The following TRIM36 variants were observed in gnomAD, a reference collection of about 807,000 sequenced individuals.
TRIM36 encodes the protein E3 ubiquitin-protein ligase TRIM36.
In TRIM36, 42 loss-of-function variants were observed where a neutral mutation model predicts 72.4. That is an observed-to-expected ratio of 0.58 (90% CI 0.45 to 0.75). The LOEUF is 0.75. Ranked by LOEUF, TRIM36 falls within the 30% of genes least tolerant of loss-of-function variation. The probability of loss-of-function intolerance (pLI) is 0.00; values close to 1 mark genes in which losing one functional copy is unlikely to be tolerated. For missense variants in TRIM36, 913 were observed against 857.1 expected, an observed-to-expected ratio of 1.07 and a Z score of -0.81; for synonymous variants, 315 against 282.8, an observed-to-expected ratio of 1.11 and a Z score of -1.14.
At position 115,163,611 on chromosome 5, in the gene TRIM36, T is replaced by C. The variant is rs111422931; in HGVS notation, c.169A>G (p.Asn57Asp). 6.2e-7 allele frequency: 1 copy of C among 1,614,188 alleles called. No homozygotes were observed. Among genetic ancestry groups the C allele is most frequent in the Non-Finnish European group, 8.5e-7 (1 of 1,180,026 alleles). The change falls in exon 2 of 10, where the codon AAC (asparagine) becomes GAC (aspartate). Residue 57 changes from asparagine (N) to aspartate (D), a missense_variant. Transcript: ENST00000513154. ...TTGGAGTTGTCTGATCCCACATCGT[T>C]GAATGAATCATCGAGAGTCAGCAGG... is the stretch of plus-strand genomic sequence containing the variant. Reference protein sequence around the residue: ...ELLLTLDDSFNDVGSDNSNQS... With the variant: ...ELLLTLDDSFDDVGSDNSNQS...
chr5:115,177,871 G>GCCTA, intron 1 of TRIM36: 4 of 1,614,012 alleles, frequency 2.5e-6, no homozygotes, highest in Non-Finnish European at 3.4e-6. Flanking sequence ...CATTGCTGAA[G>GCCTA]CCTAGTGAAG....
At position 115,126,421 on chromosome 5, in the gene TRIM36, G is replaced by A. The variant is rs550553267; in HGVS notation, c.*82C>T. On this transcript the variant is annotated 3_prime_UTR_variant, in exon 10 of 10. Transcript: ENST00000513154. ...CAAGTGGGGTGACAGAACACTCAGCGATATGTAATTAGTTACGAAGGTTAA... is the reference window on the plus strand; with the variant it reads ...CAAGTGGGGTGACAGAACACTCAGCAATATGTAATTAGTTACGAAGGTTAA... 2.3e-4 allele frequency: 250 copies of A among 1,088,928 alleles called. 2 individuals carry two copies. The South Asian group carries it at 3.5e-3, about 15-fold the overall frequency. 67.5% of individuals were successfully genotyped at this position (1,088,928 alleles called of 1,614,324 possible). A position where few individuals can be genotyped will look rare whatever the true frequency, so the allele number is the denominator to read the frequency against.
upstream of TRIM36, chr5:115,174,147 A>G (rs1364709523): frequency 6.6e-6 from 1 of 152,220 alleles, no homozygotes; most frequent in Non-Finnish European, 1.5e-5. Context: ...TTGATTCCTA[A>G]TACCCAACAA....
chr5:115,162,887 T>C (rs1003817768), intron 2 of TRIM36, among the ~76,000 whole-genome samples: 11 of 152,306 alleles, frequency 7.2e-5, no homozygotes, highest in African/African-American at 2.6e-4. Flanking sequence ...TCCTAGTTAG[T>C]ATTTCAGTAG....
intron 2 of TRIM36, chr5:115,149,086 T>C (rs1340080117): frequency 1.3e-5 from 2 of 152,216 alleles, no homozygotes; most frequent in Admixed American, 6.5e-5. Flanking sequence ...CATTTAAAGA[T>C]ATTTTAACGT....
intron 5 of TRIM36, among the ~76,000 whole-genome samples, chr5:115,138,670 A>C (rs1180759659): frequency 6.6e-6 from 1 of 152,166 alleles, no homozygotes; most frequent in African/African-American, 2.4e-5. Flanking sequence ...CATTCATACA[A>C]ACTGTCATAA....
At chr5:115,166,944 G>A (rs988603967) in intron 1 of TRIM36, among the ~76,000 whole-genome samples, 2 of 152,216 alleles carry the variant, frequency 1.3e-5, no homozygotes, top group Admixed American at 6.5e-5. Flanking sequence ...ATGCCTGGCT[G>A]TGCACACTGT....
chr5:115,179,888 G>T, intron 1 of TRIM36: 2 of 1,345,352 alleles, frequency 1.5e-6, no homozygotes, highest in Non-Finnish European at 2.1e-6. Context: ...CCCAGGCGCT[G>T]GAATGGACAC....
chr5:115,163,668 G>C lies in TRIM36; in HGVS notation c.112C>G (p.His38Asp). The C allele has an allele frequency of 6.2e-7, 1 of 1,614,162 alleles. No individual in the cohort carries two copies. The highest frequency in any genetic ancestry group is 8.5e-7 in the Non-Finnish European group (1 of 1,180,048). ...FTHPLILPCQ[H>D]SICHKCVKEL... ...TTTACACATTTATGACAGATACTAT[G>C]TTGGCAAGGGAGAATCAATGGGTGG... Residue 38 changes from histidine (H) to aspartate (D), a missense_variant, in exon 2 of 10, where the codon CAT (histidine) becomes GAT (aspartate). Physicochemically the swap from His to Asp is moderately conservative, Grantham distance 81. Transcript: ENST00000513154.
intron 8 of TRIM36, 63 bp from the exon 9 acceptor site, chr5:115,130,952 G>C: frequency 1.3e-6 from 2 of 1,507,066 alleles, no homozygotes; most frequent in African/African-American, 1.4e-5. Flanking sequence ...TGTTAAATCT[G>C]ATAGGTTTTC....
Position 115,126,447 on chromosome 5 carries a change from C to G in TRIM36, c.*56G>C. ...ATATGTAATTAGTTACGAAGGTTAA[C>G]GCTAAGGCATTGCTTTGTTTACAGT... On this transcript the variant is annotated 3_prime_UTR_variant, in exon 10 of 10. Transcript: ENST00000513154. 1 of 1,414,262 alleles carries G rather than the reference C, an allele frequency of 7.1e-7. No individual in the cohort carries two copies. The highest frequency in any genetic ancestry group is 9.7e-7 in the Non-Finnish European group (1 of 1,028,688). 87.6% of individuals were successfully genotyped at this position (1,414,262 alleles called of 1,614,324 possible).
rs1323174389 is a variant in TRIM36, at chr5:115,133,840, A to T, written c.1498+20T>A. 5 of 1,545,448 alleles carry T rather than the reference A, an allele frequency of 3.2e-6. No individual in the cohort carries two copies. In the Admixed American group the frequency reaches 6.3e-5, roughly 19 times the overall value. On this transcript the variant is annotated intron_variant, in intron 8 of 9. Transcript: ENST00000513154. ...TTGCAACTAACTCTATGCTTTTTTTATTCCTGATATTCACCATACCTGGAG... is the reference window on the plus strand; with the variant it reads ...TTGCAACTAACTCTATGCTTTTTTTTTTCCTGATATTCACCATACCTGGAG...
At chr5:115,133,206 T>G (rs1158496512) in intron 8 of TRIM36, among the ~76,000 whole-genome samples, 1 of 152,186 alleles carries the variant, frequency 6.6e-6, no homozygotes, top group Non-Finnish European at 1.5e-5. Flanking sequence ...TATCCCTTGT[T>G]CATGGAGACA....
chr5:115,154,601 T>G (rs1754072477), intron 2 of TRIM36, among the ~76,000 whole-genome samples: 1 of 152,084 alleles, frequency 6.6e-6, no homozygotes, highest in African/African-American at 2.4e-5. Flanking sequence ...ACAGATAAAT[T>G]ATTGGAAAGA....
intron 5 of TRIM36, among the ~76,000 whole-genome samples, chr5:115,140,371 C>G (rs923533731): frequency 1.3e-5 from 2 of 152,112 alleles, no homozygotes; most frequent in Admixed American, 6.5e-5. Context: ...CAATCCAATC[C>G]CCTTTTACTA....
rs1269817406 is a variant in TRIM36 at position 115,156,193 on chromosome 5, G to A, written c.262+7325C>T. 2.0e-5 allele frequency among the ~76,000 whole-genome samples: 3 copies of A among 152,102 alleles called. No homozygotes were observed. In the East Asian group the frequency reaches 5.8e-4, roughly 29 times the overall value. On this transcript the variant is annotated intron_variant, in intron 2 of 9. Coordinates refer to ENST00000513154, the MANE Select transcript of TRIM36 (RefSeq NM_001300759.2). ...ATGAAAAAATGGAAACACATCCCAT[G>A]CTCACGGATAGGTAGAATCAATATT...
At chr5:115,177,847 G>T in intron 1 of TRIM36, 1 of 1,614,162 alleles carries the variant, frequency 6.2e-7, no homozygotes, top group Non-Finnish European at 8.5e-7. Flanking sequence ...ATGCTCATGG[G>T]TTTGCTGCAG....
chr5:115,166,706 G>A (rs542456779), intron 1 of TRIM36, among the ~76,000 whole-genome samples: 1 of 152,344 alleles, frequency 6.6e-6, no homozygotes, highest in East Asian at 1.9e-4. Flanking sequence ...GACAAGAGAG[G>A]AGAGAAGAGC....
At chr5:115,126,885 C>G in intron 9 of TRIM36, 28 bp from the exon 10 acceptor site, 1 of 1,573,236 alleles carries the variant, frequency 6.4e-7, no homozygotes, top group Non-Finnish European at 8.6e-7. Flanking sequence ...GCATCTGTAT[C>G]TTCAACAATA....
Sources: allele counts gnomAD v4.1 joint callset (sites outside exome capture counted in the v4.1 genomes callset), GRCh38; gene constraint gnomAD v4.1.1; transcripts MANE v1.5; gene names NCBI Gene and HGNC (gene_info 2026-07-23, HGNC 2026-07-21).